DTYMK: variants seen among roughly 807,000 people sequenced by gnomAD.
DTYMK encodes the protein thymidylate kinase.
In DTYMK, 20 loss-of-function variants were observed where a neutral mutation model predicts 20.3. The ratio of observed to expected loss-of-function variants is 0.99; its 90% CI spans 0.69 to 1.43. The LOEUF (loss-of-function observed/expected upper bound fraction) is 1.43, where lower values mean the gene tolerates loss of function less well. Among genes scored for constraint, DTYMK ranks in the 40% most tolerant of loss-of-function variants. DTYMK has a pLI of 0.00. For missense variants in DTYMK, 320 were observed against 291.1 expected (o/e 1.10, Z -0.72); for synonymous variants, 148 against 124.4 (o/e 1.19, Z -1.27).
chr2:241,676,240 G>T lies in DTYMK; in HGVS notation c.529-3C>A. The T allele has an allele frequency of 6.2e-7, 1 of 1,608,948 alleles. No homozygotes were observed. The highest frequency in any genetic ancestry group is 8.5e-7 in the Non-Finnish European group (1 of 1,178,294). ...ATGCTTTTGGAAGCATCCACCATCTGTTCCCACCGGGGTTTCAGGAGAAAA... is the reference window on the plus strand; with the variant it reads ...ATGCTTTTGGAAGCATCCACCATCTTTTCCCACCGGGGTTTCAGGAGAAAA... On this transcript the variant is annotated splice_polypyrimidine_tract_variant and splice_region_variant and intron_variant, in intron 4 of 4. Transcript: ENST00000305784.
rs1445482392 is a variant in DTYMK at position 241,675,905 on chromosome 2, T to C, written c.*222A>G. On this transcript the variant is annotated 3_prime_UTR_variant, in exon 5 of 5. Coordinates refer to ENST00000305784, the MANE Select transcript of DTYMK (RefSeq NM_012145.4). ...CAGGACAGGGGAGAGGGCAGGAGAC[T>C]GCTCCATCGCTCTGCTCATGTCCAC... The C allele has an allele frequency of 4.2e-6, 2 of 475,576 alleles. No individual in the cohort carries two copies. The highest frequency in any genetic ancestry group is 7.5e-6 in the Non-Finnish European group (2 of 267,488). 29.5% of individuals were successfully genotyped at this position (475,576 alleles called of 1,614,324 possible). A position where few individuals can be genotyped will look rare whatever the true frequency, so the allele number is the denominator to read the frequency against.
At chr2:241,686,199 AAATATATGCTATAAAAC>A (rs1268950858) in intron 1 of DTYMK, among the ~76,000 whole-genome samples, 1 of 152,258 alleles carries the variant, frequency 6.6e-6, no homozygotes, top group Admixed American at 6.5e-5. Flanking sequence ...GAAAACTTTT[AAATATATGCTATAAAAC>A]CCCTGAAAGC....
chr2:241,676,999 C>T (rs574045664), intron 4 of DTYMK, among the ~76,000 whole-genome samples: 35 of 152,356 alleles, frequency 2.3e-4, no homozygotes, highest in Admixed American at 1.7e-3. Context: ...TGCACAATGG[C>T]GTGAACGGTG....
At position 241,686,705 on chromosome 2, in the gene DTYMK, C is replaced by T; in HGVS notation, c.79G>A (p.Val27Met). The change falls in exon 1 of 5, where the codon GTG becomes ATG. Residue 27 changes from valine (V) to methionine (M), a missense_variant. Physicochemically the swap from Val to Met is conservative, Grantham distance 21 (BLOSUM62 1). Coordinates refer to ENST00000305784, the MANE Select transcript of DTYMK (RefSeq NM_012145.4). ...AGKSTQSRKL[V>M]EALCAAGHRA... ...TGGCCCGCGGCGCACAGCGCTTCCA[C>T]CAGCTTGCGGCTCTGCGTGCTCTTC... 6.5e-7 allele frequency: 1 copy of T among 1,543,568 alleles called. No homozygotes were observed. Among genetic ancestry groups the T allele is most frequent in the South Asian group, 1.2e-5 (1 of 85,338 alleles).
chr2:241,679,638 CG>C (rs377103803), intron 3 of DTYMK, among the ~76,000 whole-genome samples: 125 of 150,326 alleles, frequency 8.3e-4, no homozygotes, highest in African/African-American at 2.7e-3. Context: ...TTTCAAAAAA[CG>C]GGGGAAAAAA....
intron 2 of DTYMK, chr2:241,682,270 G>A: frequency 2.2e-6 from 1 of 453,978 alleles, no homozygotes. Flanking sequence ...GAACCCGGGA[G>A]GTCGAGGCTG....
In DTYMK at chr2:241,676,011, C is replaced by T. The variant is rs1228089405; in HGVS notation, c.*116G>A. 23 of 1,016,700 alleles carry T rather than the reference C, an allele frequency of 2.3e-5. No homozygotes were observed. The highest frequency in any genetic ancestry group is 1.8e-4 in the Admixed American group (6 of 33,252). 63.0% of individuals were successfully genotyped at this position (1,016,700 alleles called of 1,614,324 possible). A position where few individuals can be genotyped will look rare whatever the true frequency, so the allele number is the denominator to read the frequency against. On this transcript the variant is annotated 3_prime_UTR_variant, in exon 5 of 5. Transcript: ENST00000305784. The stretch of plus-strand genomic sequence containing the variant: ...GAGGCAGCCTGCAGATCTCTGCTGC[C>T]GGGAAAGAGCTCCTGAAGTTGTGGG...
At position 241,678,561 on chromosome 2, in the gene DTYMK, G is replaced by A. The variant is rs1803267; in HGVS notation, c.419C>T (p.Ala140Val). The change falls in exon 4 of 5, where the codon GCT becomes GTT. Residue 140 changes from alanine (A) to valine (V), a missense_variant. Transcript: ENST00000305784. ...ATGGCCAAACGCTCCCCGCTTGGCA[G>A]CATCCGCCAGCTGTAACTGGAGGAA... ...VLFLQLQLAD[A>V]AKRGAFGHER... 1.2e-6 allele frequency: 2 copies of A among 1,614,086 alleles called. No homozygotes were observed. The highest frequency in any genetic ancestry group is 2.7e-5 in the African/African-American group (2 of 74,936).
chr2:241,675,950 CG>C lies in DTYMK; in HGVS notation c.*176del. 2 of 587,470 alleles carry C rather than the reference CG, an allele frequency of 3.4e-6. No individual in the cohort carries two copies. The highest frequency in any genetic ancestry group is 2.3e-5 in the South Asian group (1 of 43,754). The allele number at this position is 587,470 out of a possible 1,614,324, so 36.4% of individuals were successfully genotyped here. On this transcript the variant is annotated 3_prime_UTR_variant, in exon 5 of 5. Transcript: ENST00000305784. ...GTCCACACTGCCAAGGTCCCCACCA[CG>C]GGGGTCCCCAGTGCACCCCAGCTCC...
At chr2:241,680,365 T>C in intron 2 of DTYMK, 46 bp from the exon 3 acceptor site, 1 of 1,602,396 alleles carries the variant, frequency 6.2e-7, no homozygotes, top group Non-Finnish European at 8.5e-7. Context: ...TTCATAGGCC[T>C]TGAACTGTCA....
intron 4 of DTYMK, among the ~76,000 whole-genome samples, chr2:241,677,072 TGA>T (rs982751293): frequency 2.0e-5 from 3 of 152,214 alleles, no homozygotes; most frequent in African/African-American, 7.2e-5. Context: ...AGGCAGGCAG[TGA>T]GAGGGACTCA....
chr2:241,681,645 C>CT (rs1416762737), intron 2 of DTYMK, among the ~76,000 whole-genome samples: 1 of 152,258 alleles, frequency 6.6e-6, no homozygotes, highest in African/African-American at 2.4e-5. Flanking sequence ...GTTTGGCAGA[C>CT]TGTTTAGATA....
chr2:241,680,316 C>T lies in DTYMK; in HGVS notation c.243G>A (p.Pro81=), dbSNP rs760677049. Reference sequence around the variant, plus strand: ...CCTGGCTCAACTTTTCCTTAATTAACGGCCTGAAAAAGAGGATGCTCCTGA... The same window carrying T: ...CCTGGCTCAACTTTTCCTTAATTAATGGCCTGAAAAAGAGGATGCTCCTGA... ...LFSANRWEQV[P]LIKEKLSQGV... Residue 81 remains proline (P), a synonymous_variant, in exon 3 of 5, where the codon CCG becomes CCA. Coordinates refer to ENST00000305784, the MANE Select transcript of DTYMK (RefSeq NM_012145.4). 2.9e-5 allele frequency: 46 copies of T among 1,613,922 alleles called. No homozygotes were observed. Among genetic ancestry groups the T allele is most frequent in the Middle Eastern group, 3.3e-4 (2 of 6,084 alleles).
At chr2:241,681,238 C>T (rs2069251256) in intron 2 of DTYMK, among the ~76,000 whole-genome samples, 1 of 152,218 alleles carries the variant, frequency 6.6e-6, no homozygotes. Context: ...ATCACAGGGG[C>T]ACCCACATAA....
chr2:241,680,098 G>C, intron 3 of DTYMK, 131 bp downstream of exon 3: 2 of 762,402 alleles, frequency 2.6e-6, no homozygotes, highest in Non-Finnish European at 4.2e-6. Flanking sequence ...ATCTAGCAAA[G>C]AGATAAAAGG....
chr2:241,680,217 A>G lies in DTYMK; in HGVS notation c.330+12T>C. ...TCTGTGCTCGCCTGACAGGAGGCCA[A>G]GTGGCACTCACCTCCTTGGCACCGG... On this transcript the variant is annotated intron_variant, in intron 3 of 4. Transcript: ENST00000305784. 1 of 1,613,912 alleles carries G rather than the reference A, an allele frequency of 6.2e-7. No homozygotes were observed. The highest frequency in any genetic ancestry group is 1.3e-5 in the African/African-American group (1 of 75,048).
In DTYMK at chr2:241,676,025, T is replaced by C. The variant is rs2069104811; in HGVS notation, c.*102A>G. On this transcript the variant is annotated 3_prime_UTR_variant, in exon 5 of 5. Coordinates refer to ENST00000305784, the MANE Select transcript of DTYMK (RefSeq NM_012145.4). Reference sequence around the variant, plus strand: ...ATCTCTGCTGCCGGGAAAGAGCTCCTGAAGTTGTGGGGTCTGGACTCTGCT... The same window carrying C: ...ATCTCTGCTGCCGGGAAAGAGCTCCCGAAGTTGTGGGGTCTGGACTCTGCT... 3 of 1,115,720 alleles carry C rather than the reference T, an allele frequency of 2.7e-6. No individual in the cohort carries two copies. Among genetic ancestry groups the C allele is most frequent in the African/African-American group, 3.2e-5 (2 of 62,916 alleles). 69.1% of individuals were successfully genotyped at this position (1,115,720 alleles called of 1,614,324 possible).
chr2:241,678,614 C>T lies in DTYMK; in HGVS notation c.366G>A (p.Val122=). ...GGACCAGGTCGGGTTTGGGAAGGCC[C>T]ACGTCTGGCTGTTTACACCAATCTA... ...FSLDWCKQPD[V]GLPKPDLVLF... The change falls in exon 4 of 5, where the codon GTG becomes GTA. Residue 122 remains valine, a synonymous_variant. Transcript: ENST00000305784. 1 of 1,614,138 alleles carries T rather than the reference C, an allele frequency of 6.2e-7. No homozygotes were observed. The highest frequency in any genetic ancestry group is 8.5e-7 in the Non-Finnish European group (1 of 1,180,032).
At chr2:241,677,257 C>T (rs2069138175) in intron 4 of DTYMK, among the ~76,000 whole-genome samples, 1 of 152,242 alleles carries the variant, frequency 6.6e-6, no homozygotes, top group African/African-American at 2.4e-5. Flanking sequence ...TGACTCCCTA[C>T]ACAAGGGCCA....
Sources: allele counts gnomAD v4.1 joint callset (sites outside exome capture counted in the v4.1 genomes callset), GRCh38; gene constraint gnomAD v4.1.1; transcripts MANE v1.5; gene names NCBI Gene and HGNC (gene_info 2026-07-23, HGNC 2026-07-21).